KCND2: variants seen among roughly 807,000 people sequenced by gnomAD.
KCND2 encodes the protein A-type voltage-gated potassium channel KCND2.
A neutral mutation model predicts 54.4 loss-of-function variants in KCND2; 16 were observed. The observed-to-expected ratio is 0.29, with a 90% confidence interval of 0.20 to 0.45. KCND2 has a LOEUF of 0.45. KCND2 is among the 20% of genes least tolerant of loss of function. The probability of loss-of-function intolerance (pLI) is 1.00; values close to 1 mark genes in which losing one functional copy is unlikely to be tolerated. For missense variants in KCND2, 486 were observed against 824.2 expected (o/e 0.59, Z 5.02); for synonymous variants, 317 against 310.7 (o/e 1.02, Z -0.21).
At chr7:120,281,498 C>G (rs1799263214) in intron 1 of KCND2, among the ~76,000 whole-genome samples, 1 of 151,690 alleles carries the variant, frequency 6.6e-6, no homozygotes, top group Admixed American at 6.6e-5. Flanking sequence ...GAATGTTTTG[C>G]CCTTTAGTTT....
chr7:120,579,083 T>C (rs1792478700), intron 1 of KCND2, among the ~76,000 whole-genome samples: 1 of 152,186 alleles, frequency 6.6e-6, no homozygotes, highest in African/African-American at 2.4e-5. Flanking sequence ...ACAGAGTCCA[T>C]ATGTTTCTAA....
At chr7:120,455,531 A>G (rs1802185867) in intron 1 of KCND2, among the ~76,000 whole-genome samples, 1 of 152,190 alleles carries the variant, frequency 6.6e-6, no homozygotes. Context: ...ACACCTGCAC[A>G]CATATCTTCA....
intron 1 of KCND2, among the ~76,000 whole-genome samples, chr7:120,568,188 A>G (rs1459404322): frequency 6.6e-6 from 1 of 152,200 alleles, no homozygotes; most frequent in East Asian, 1.9e-4. Context: ...CTGAAGATTA[A>G]TATTGTAGTA....
At chr7:120,415,306 C>T (rs992134463) in intron 1 of KCND2, among the ~76,000 whole-genome samples, 7 of 152,080 alleles carry the variant, frequency 4.6e-5, no homozygotes, top group Non-Finnish European at 4.4e-5. Flanking sequence ...AAGAGAAGTT[C>T]TTGTAAAAGC....
chr7:120,427,887 G>A (rs1294016221), intron 1 of KCND2, among the ~76,000 whole-genome samples: 2 of 151,970 alleles, frequency 1.3e-5, no homozygotes, highest in Non-Finnish European at 2.9e-5. Flanking sequence ...CATTTTTGTA[G>A]TGATAGTATC....
At chr7:120,470,352 T>G (rs1374741889) in intron 1 of KCND2, among the ~76,000 whole-genome samples, 1 of 152,140 alleles carries the variant, frequency 6.6e-6, no homozygotes, top group Admixed American at 6.6e-5. Context: ...CTGGAGCATT[T>G]ATTCTTGTAG....
intron 1 of KCND2, among the ~76,000 whole-genome samples, chr7:120,363,099 A>G (rs1217996105): frequency 3.9e-5 from 6 of 152,024 alleles, no homozygotes; most frequent in Non-Finnish European, 5.9e-5. Flanking sequence ...TCAGGAGTTT[A>G]AGACTAGCCT....
chr7:120,682,858 T>G (rs926942782), intron 1 of KCND2, among the ~76,000 whole-genome samples: 1 of 152,154 alleles, frequency 6.6e-6, no homozygotes, highest in African/African-American at 2.4e-5. Flanking sequence ...TGTTCCACAT[T>G]TCTGCTCTGC....
intron 1 of KCND2, among the ~76,000 whole-genome samples, chr7:120,377,999 C>A (rs1006705479): frequency 1.3e-5 from 2 of 151,764 alleles, no homozygotes; most frequent in African/African-American, 4.8e-5. Context: ...TGTTCTTGTC[C>A]AATTAGACTG....
At chr7:120,340,141 T>C (rs1012915154) in intron 1 of KCND2, among the ~76,000 whole-genome samples, 1 of 152,218 alleles carries the variant, frequency 6.6e-6, no homozygotes, top group Non-Finnish European at 1.5e-5. Context: ...CAAGGATCAC[T>C]GTACCTACTG....
chr7:120,598,800 A>G (rs1792779571), intron 1 of KCND2, among the ~76,000 whole-genome samples: 1 of 152,216 alleles, frequency 6.6e-6, no homozygotes, highest in Non-Finnish European at 1.5e-5. Context: ...TCTTTTAAAG[A>G]TAAATGTTTT....
intron 1 of KCND2, among the ~76,000 whole-genome samples, chr7:120,335,686 C>T (rs1433762608): frequency 6.6e-6 from 1 of 151,996 alleles, no homozygotes; most frequent in African/African-American, 2.4e-5. Flanking sequence ...GGGGTTTCAC[C>T]GTGTTAGCCA....
chr7:120,492,363 T>C (rs1802796392), intron 1 of KCND2, among the ~76,000 whole-genome samples: 1 of 152,084 alleles, frequency 6.6e-6, no homozygotes. Flanking sequence ...GTCTTCCATA[T>C]TGTGTGTGTA....
At chr7:120,672,380 A>G (rs1792003188) in intron 1 of KCND2, among the ~76,000 whole-genome samples, 1 of 152,144 alleles carries the variant, frequency 6.6e-6, no homozygotes, top group South Asian at 2.1e-4. Flanking sequence ...TACAATGGAT[A>G]TATGTCAGAC....
intron 1 of KCND2, among the ~76,000 whole-genome samples, chr7:120,316,423 A>T (rs1293390708): frequency 6.6e-6 from 1 of 152,228 alleles, no homozygotes; most frequent in African/African-American, 2.4e-5. Flanking sequence ...TGTTTTTCAT[A>T]ACTACCTTGA....
chr7:120,328,425 G>A (rs781569817), intron 1 of KCND2, among the ~76,000 whole-genome samples: 27 of 152,206 alleles, frequency 1.8e-4, no homozygotes, highest in Non-Finnish European at 3.1e-4. Flanking sequence ...GATTCTGGCA[G>A]TTACAGAGTT....
chr7:120,546,019 G>A (rs1792038319), intron 1 of KCND2, among the ~76,000 whole-genome samples: 1 of 151,802 alleles, frequency 6.6e-6, no homozygotes, highest in South Asian at 2.1e-4. Flanking sequence ...AGGAGAGATT[G>A]CTCAAGAAAC....
At chr7:120,517,218 TTTA>T (rs1304491391) in intron 1 of KCND2, among the ~76,000 whole-genome samples, 1 of 152,060 alleles carries the variant, frequency 6.6e-6, no homozygotes, top group African/African-American at 2.4e-5. Context: ...TTTCTGTGAA[TTTA>T]TCTGTGTTGA....
At chr7:120,681,200 T>C (rs1468503521) in intron 1 of KCND2, among the ~76,000 whole-genome samples, 1 of 152,106 alleles carries the variant, frequency 6.6e-6, no homozygotes, top group Admixed American at 6.6e-5. Flanking sequence ...TTCAGAGTGC[T>C]GGACTGAGGT....
Sources: allele counts gnomAD v4.1 joint callset (sites outside exome capture counted in the v4.1 genomes callset), GRCh38; gene constraint gnomAD v4.1.1; transcripts MANE v1.5; gene names NCBI Gene and HGNC (gene_info 2026-07-23, HGNC 2026-07-21).